Variants in MEIKIN observed in about 807,000 individuals in gnomAD.
MEIKIN encodes meiosis-specific kinetochore protein.
At chr5:131,945,076 A>C in intron 2 of MEIKIN, 80 bp downstream of exon 2, 1 of 399,032 alleles carries the variant, frequency 2.5e-6, no homozygotes, top group Non-Finnish European at 4.4e-6. Context: ...TGTTAGAATA[A>C]AAGGCTACTA....
intron 6 of MEIKIN, among the ~76,000 whole-genome samples, chr5:131,920,950 C>G (rs1751493704): frequency 6.6e-6 from 1 of 152,100 alleles, no homozygotes; most frequent in Non-Finnish European, 1.5e-5. Flanking sequence ...AGTCCTCCCA[C>G]CTCAGTCTCC....
At chr5:131,878,364 G>A (rs1414279450) in intron 9 of MEIKIN, among the ~76,000 whole-genome samples, 8 of 152,080 alleles carry the variant, frequency 5.3e-5, no homozygotes, top group East Asian at 1.9e-4. Context: ...TCAGGAGATC[G>A]AGTCCATCCT....
chr5:131,850,436 C>G (rs996613724), intron 11 of MEIKIN, among the ~76,000 whole-genome samples: 2 of 152,036 alleles, frequency 1.3e-5, no homozygotes, highest in African/African-American at 4.8e-5. Context: ...TCAAAATGTA[C>G]AAAGCTACAG....
At position 131,916,363 on chromosome 5, in the gene MEIKIN, C is replaced by T. The variant is rs572895559; in HGVS notation, c.638+523G>A. On this transcript the variant is annotated intron_variant, in intron 7 of 12. Transcript: ENST00000442687. Reference sequence around the variant, plus strand: ...ATTTATAAAGAGGCTATCATACTAACGCTACTCTCTTCTCACTCTACATTC... The same window carrying T: ...ATTTATAAAGAGGCTATCATACTAATGCTACTCTCTTCTCACTCTACATTC... Among the ~76,000 whole-genome samples the T allele has an allele frequency of 7.9e-5, 12 of 152,312 alleles. No individual in the cohort carries two copies. In the South Asian group the frequency reaches 1.5e-3, roughly 18 times the overall value.
At chr5:131,877,266 C>T (rs924803894) in intron 9 of MEIKIN, among the ~76,000 whole-genome samples, 13 of 151,638 alleles carry the variant, frequency 8.6e-5, no homozygotes, top group Non-Finnish European at 1.9e-4. Context: ...CCTGGAATAC[C>T]ATAAACAAAA....
intron 8 of MEIKIN, among the ~76,000 whole-genome samples, chr5:131,906,973 A>G (rs575461373): frequency 1.3e-4 from 20 of 152,338 alleles, no homozygotes; most frequent in Non-Finnish European, 2.5e-4. Context: ...CACACAATTT[A>G]TCTACATAAC....
In MEIKIN at chr5:131,945,443, C is replaced by T. The variant is rs141137365; in HGVS notation, c.63G>A (p.Pro21=). Residue 21 remains proline, a synonymous_variant, in exon 1 of 13, where the codon CCG becomes CCA. Coordinates refer to ENST00000442687, the MANE Select transcript of MEIKIN (RefSeq NM_001303622.2). ...TCGCTGGAGAGCCTAGGTCTGGCGT[C>T]GGGGTGAGATTGAGCCTCTGACCCT... The part of the protein sequence containing the change: ...KREGQRLNLT[P]TPDLGSPAKA... 1.5e-3 allele frequency: 587 copies of T among 399,316 alleles called. 7 individuals are homozygous for T. Among genetic ancestry groups the T allele is most frequent in the African/African-American group, 0.011 (558 of 48,744 alleles). The allele number at this position is 399,316 out of a possible 1,614,324, so 24.7% of individuals were successfully genotyped here.
intron 10 of MEIKIN, among the ~76,000 whole-genome samples, chr5:131,851,917 G>A (rs1249145737): frequency 1.3e-5 from 2 of 152,126 alleles, no homozygotes; most frequent in Non-Finnish European, 2.9e-5. Context: ...AGAAGTCCTG[G>A]AACCAATTCC....
chr5:131,907,303 A>C (rs915639829), intron 8 of MEIKIN, among the ~76,000 whole-genome samples: 1 of 152,082 alleles, frequency 6.6e-6, no homozygotes, highest in Non-Finnish European at 1.5e-5. Flanking sequence ...AACCAAACCC[A>C]AAATTAGTAG....
At chr5:131,904,552 C>A (rs556870207) in intron 8 of MEIKIN, among the ~76,000 whole-genome samples, 2 of 152,176 alleles carry the variant, frequency 1.3e-5, no homozygotes, top group Admixed American at 1.3e-4. Flanking sequence ...ACACTCCCAC[C>A]AATAGTGTAA....
At chr5:131,893,535 T>G (rs1251043513) in intron 8 of MEIKIN, among the ~76,000 whole-genome samples, 2 of 152,216 alleles carry the variant, frequency 1.3e-5, no homozygotes, top group Non-Finnish European at 2.9e-5. Context: ...CCCCTTGCAC[T>G]TCCCGGGTGA....
In MEIKIN at chr5:131,834,595, T is replaced by C. The variant is rs1204508972; in HGVS notation, c.976-15732A>G. ...ATCATACAGTATTTGTCATTGTATG[T>C]GTGGCTTATTTCACTTAGCATACTG... On this transcript the variant is annotated intron_variant, in intron 11 of 12. Transcript: ENST00000442687. Among the ~76,000 whole-genome samples the C allele has an allele frequency of 2.6e-5, 4 of 152,214 alleles. 1 individual carries two copies. The highest frequency in any genetic ancestry group is 5.9e-5 in the Non-Finnish European group (4 of 68,036).
rs144626481 is a variant in MEIKIN at position 131,916,607 on chromosome 5, A to G, written c.638+279T>C. Reference sequence around the variant, plus strand: ...AGGGCTGAGAGCCAACTTGGATTTCAACTTCTTCCAATCTGTCACTAAAAA... The same window carrying G: ...AGGGCTGAGAGCCAACTTGGATTTCGACTTCTTCCAATCTGTCACTAAAAA... On this transcript the variant is annotated intron_variant, in intron 7 of 12. Coordinates refer to ENST00000442687, the MANE Select transcript of MEIKIN (RefSeq NM_001303622.2). Among the ~76,000 whole-genome samples, 727 of 152,354 alleles carry G rather than the reference A, an allele frequency of 4.8e-3. 5 individuals carry two copies. Among genetic ancestry groups the G allele is most frequent in the African/African-American group, 0.017 (690 of 41,592 alleles).
chr5:131,829,987 G>A (rs1378933075), intron 11 of MEIKIN, among the ~76,000 whole-genome samples: 1 of 152,192 alleles, frequency 6.6e-6, no homozygotes, highest in Non-Finnish European at 1.5e-5. Flanking sequence ...CATCTTTAAA[G>A]CATTAATGTA....
chr5:131,818,847 G>A lies in MEIKIN; in HGVS notation c.992C>T (p.Ser331Leu). The A allele has an allele frequency of 2.5e-6, 1 of 397,716 alleles. No homozygotes were observed. The highest frequency in any genetic ancestry group is 4.4e-6 in the Non-Finnish European group (1 of 225,674). 24.6% of individuals were successfully genotyped at this position (397,716 alleles called of 1,614,324 possible). The change falls in exon 12 of 13, where the codon TCA becomes TTA. Residue 331 changes from serine to leucine, a missense_variant. Transcript: ENST00000442687. ...TGTTCTAATAATACAACATATTTCT[G>A]ATGCATTTGCAGGAAACTGGAAAAG... is the stretch of plus-strand genomic sequence containing the variant. ...NSSNEFPANASEICCIIRTSP... is the reference protein window; with the variant it reads ...NSSNEFPANALEICCIIRTSP...
chr5:131,811,997 C>A (rs1228241457), intron 12 of MEIKIN, among the ~76,000 whole-genome samples: 2 of 152,152 alleles, frequency 1.3e-5, no homozygotes, highest in Non-Finnish European at 2.9e-5. Context: ...ACAGCACTGA[C>A]ATAAGGAAAC....
At chr5:131,940,749 G>A (rs1019382587) in intron 4 of MEIKIN, among the ~76,000 whole-genome samples, 1 of 152,084 alleles carries the variant, frequency 6.6e-6, no homozygotes, top group Non-Finnish European at 1.5e-5. Context: ...TGACATGGGG[G>A]CACTGCCCTA....
chr5:131,936,364 T>C (rs1336204234), intron 4 of MEIKIN, among the ~76,000 whole-genome samples: 1 of 152,240 alleles, frequency 6.6e-6, no homozygotes, highest in African/African-American at 2.4e-5. Context: ...TTCAACTCTA[T>C]TAATGATTTC....
chr5:131,889,676 C>A (rs1345127626), intron 8 of MEIKIN, among the ~76,000 whole-genome samples: 1 of 152,196 alleles, frequency 6.6e-6, no homozygotes, highest in East Asian at 1.9e-4. Context: ...ATTTGACTTC[C>A]TCTTTTCCTA....
Sources: gnomAD v4.1 joint callset for allele counts (sites outside exome capture counted in the v4.1 genomes callset) on GRCh38, gnomAD v4.1.1 for gene constraint, MANE v1.5 for transcripts, NCBI Gene and HGNC (gene_info 2026-07-23, HGNC 2026-07-21) for gene names.